The following DAAM2 variants were observed in gnomAD, a reference collection of about 807,000 sequenced individuals.
DAAM2 encodes the protein dishevelled associated activator of morphogenesis 2, also known as disheveled-associated activator of morphogenesis 2.
Under a neutral mutation model 120.7 loss-of-function variants are expected in DAAM2, and 39 were observed. The ratio of observed to expected loss-of-function variants is 0.32; its 90% CI spans 0.25 to 0.42. DAAM2 has a LOEUF of 0.42. Among genes scored for constraint, DAAM2 ranks in the 10% least tolerant of loss-of-function variants. The probability of loss-of-function intolerance (pLI) is 1.00; values close to 1 mark genes in which losing one functional copy is unlikely to be tolerated. For synonymous variants in DAAM2, 488 were observed against 524.9 expected (o/e 0.93, Z 0.96); for missense variants, 1,283 against 1,401.7 (o/e 0.92, Z 1.35).
At chr6:39,856,736 T>C (rs1033619432) in intron 2 of DAAM2, among the ~76,000 whole-genome samples, 1 of 152,218 alleles carries the variant, frequency 6.6e-6, no homozygotes, top group Non-Finnish European at 1.5e-5. Flanking sequence ...AATTAGGTTA[T>C]CATAGGAAGG....
In DAAM2 at chr6:39,858,108, C is replaced by T. The variant is rs145160814; in HGVS notation, c.168+1638C>T. On this transcript the variant is annotated intron_variant, in intron 2 of 24. Transcript: ENST00000274867. ...GACAGAGGGTCTCCTGCAGAAGAAACGGCATATGTGAGTCTCAAGTCAGAA... is the reference window on the plus strand; with the variant it reads ...GACAGAGGGTCTCCTGCAGAAGAAATGGCATATGTGAGTCTCAAGTCAGAA... 3.7e-3 allele frequency among the ~76,000 whole-genome samples: 569 copies of T among 151,748 alleles called. 3 individuals carry two copies. Among genetic ancestry groups the T allele is most frequent in the African/African-American group, 0.013 (546 of 41,358 alleles).
intron 1 of DAAM2, among the ~76,000 whole-genome samples, chr6:39,841,370 A>AG (rs1045993296): frequency 2.1e-4 from 1 of 4,854 alleles, no homozygotes; most frequent in Non-Finnish European, 4.0e-4. Flanking sequence ...AGGGAGTCCC[A>AG]GGGGGAGGGT....
chr6:39,869,577 C>G (rs561249182), intron 7 of DAAM2, among the ~76,000 whole-genome samples: 12 of 151,764 alleles, frequency 7.9e-5, no homozygotes, highest in Non-Finnish European at 1.3e-4. Context: ...GGGACAAGAG[C>G]AAAACTCCAT....
In DAAM2 at chr6:39,878,189, C is replaced by A; in HGVS notation, c.1302-14C>A. 6.2e-7 allele frequency: 1 copy of A among 1,613,750 alleles called. No individual in the cohort carries two copies. Among genetic ancestry groups the A allele is most frequent in the Non-Finnish European group, 8.5e-7 (1 of 1,179,704 alleles). On this transcript the variant is annotated splice_polypyrimidine_tract_variant and intron_variant, in intron 11 of 24. Transcript: ENST00000274867. The surrounding 1 kb of genome is among the most constrained non-coding windows in gnomAD (Gnocchi z 5.0). ...TCAACAATCACATTGCCCCTTCCCT[C>A]TATGCCCTGCCAGGCTCATCAACGA...
chr6:39,833,336 G>A (rs999935204), intron 1 of DAAM2, among the ~76,000 whole-genome samples: 9 of 150,472 alleles, frequency 6.0e-5, no homozygotes, highest in Admixed American at 1.3e-4. Context: ...TGGGAGTCTC[G>A]CTCTGTCGCC....
intron 1 of DAAM2, among the ~76,000 whole-genome samples, chr6:39,836,016 T>C (rs945019898): frequency 6.6e-6 from 1 of 151,852 alleles, no homozygotes. Context: ...CAAATGAGTC[T>C]GGACAGAGGC....
Position 39,839,830 on chromosome 6 carries a change from A to C in DAAM2, c.-56-16417A>C, listed in dbSNP as rs567131498. ...GATGCAGGAAGCATTTCTAAGTAGA[A>C]CCCAGTAGACTGGATATGAAGACTG... On this transcript the variant is annotated intron_variant, in intron 1 of 24. Transcript: ENST00000274867. Among the ~76,000 whole-genome samples, 41 of 152,332 alleles carry C rather than the reference A, an allele frequency of 2.7e-4. 1 individual carries two copies. The East Asian group carries it at 4.2e-3, about 16-fold the overall frequency.
At position 39,796,594 on chromosome 6, in the gene DAAM2, T is replaced by C. The variant is rs80166834; in HGVS notation, c.-57+4129T>C. 2.6e-4 allele frequency among the ~76,000 whole-genome samples: 35 copies of C among 136,806 alleles called. 2 individuals are homozygous for C. In the East Asian group the frequency reaches 7.5e-3, roughly 29 times the overall value. 89.8% of individuals were successfully genotyped at this position (136,806 alleles called of 152,430 possible). On this transcript the variant is annotated intron_variant, in intron 1 of 24. Coordinates refer to ENST00000274867, the MANE Select transcript of DAAM2 (RefSeq NM_001201427.2). ...AGACTATGGTTATTAATAGGTGTTA[T>C]GGGTTTCTTTCTGGGGTCCCCCTCC...
rs1282558601 is a variant in DAAM2 at position 39,879,274 on chromosome 6, C to A, written c.1642C>A (p.Pro548Thr). The A allele has an allele frequency of 6.6e-7, 1 of 1,516,502 alleles. No homozygotes were observed. Among genetic ancestry groups the A allele is most frequent in the East Asian group, 2.4e-5 (1 of 41,634 alleles). The allele number at this position is 1,516,502 out of a possible 1,614,324, so 93.9% of individuals were successfully genotyped here. A position where few individuals can be genotyped will look rare whatever the true frequency, so the allele number is the denominator to read the frequency against. ...NDLPPPPPPLPFACCPPPPPP... is the reference protein window; with the variant it reads ...NDLPPPPPPLTFACCPPPPPP... Reference sequence around the variant, plus strand: ...CCTGCCTCCACCCCCTCCTCCTCTGCCCTTTGCCTGTTGTCCCCCTCCCCC... The same window carrying A: ...CCTGCCTCCACCCCCTCCTCCTCTGACCTTTGCCTGTTGTCCCCCTCCCCC... The change falls in exon 14 of 25, where the codon CCC (proline) becomes ACC (threonine). Residue 548 changes from proline to threonine, a missense_variant. Pro to Thr is a conservative substitution (Grantham distance 38, BLOSUM62 -1). This residue lies in a region of DAAM2 where 748 missense variants were observed against 768.6 expected (regional missense o/e 0.97). Coordinates refer to ENST00000274867, the MANE Select transcript of DAAM2 (RefSeq NM_001201427.2).
At chr6:39,805,743 C>T (rs1309107254) in intron 1 of DAAM2, among the ~76,000 whole-genome samples, 3 of 152,000 alleles carry the variant, frequency 2.0e-5, no homozygotes, top group African/African-American at 7.3e-5. Flanking sequence ...TTAGTAGAGA[C>T]GGGGTTTCAC....
intron 1 of DAAM2, among the ~76,000 whole-genome samples, chr6:39,851,618 G>A (rs1763809635): frequency 6.6e-6 from 1 of 152,194 alleles, no homozygotes; most frequent in South Asian, 2.1e-4. Context: ...GAGGGTAAGG[G>A]CTAGGATTGC....
intron 14 of DAAM2, among the ~76,000 whole-genome samples, chr6:39,883,343 A>G (rs1003948148): frequency 6.6e-6 from 1 of 152,210 alleles, no homozygotes; most frequent in South Asian, 2.1e-4. Context: ...CCTGGCTCTG[A>G]CCAAAGGGAA....
In DAAM2 at chr6:39,887,281, A is replaced by G. The variant is rs1044217985; in HGVS notation, c.1954-205A>G. On this transcript the variant is annotated intron_variant, in intron 15 of 24. Coordinates refer to ENST00000274867, the MANE Select transcript of DAAM2 (RefSeq NM_001201427.2). ...GGGGGCTTCTCGGTGTCCTTCCCCA[A>G]CCCATTGGAGCCTATGGAAAAGTCC... is the stretch of plus-strand genomic sequence containing the variant. 1.3e-5 allele frequency: 7 copies of G among 518,536 alleles called. No homozygotes were observed. In the African/African-American group the frequency reaches 1.4e-4, roughly 10 times the overall value. 32.1% of individuals were successfully genotyped at this position (518,536 alleles called of 1,614,324 possible). A position where few individuals can be genotyped will look rare whatever the true frequency, so the allele number is the denominator to read the frequency against.
At chr6:39,875,015 C>A (rs768192668) in intron 10 of DAAM2, among the ~76,000 whole-genome samples, 6 of 152,148 alleles carry the variant, frequency 3.9e-5, no homozygotes, top group Non-Finnish European at 8.8e-5. Context: ...AAAAAGCAAT[C>A]TGCACTTCCT....
At chr6:39,796,088 A>G (rs1027107046) in intron 1 of DAAM2, among the ~76,000 whole-genome samples, 3 of 152,128 alleles carry the variant, frequency 2.0e-5, no homozygotes, top group African/African-American at 7.2e-5. Flanking sequence ...TAGTCATTGC[A>G]AACATCTCCA....
chr6:39,890,219 G>T (rs1222403821), intron 17 of DAAM2, among the ~76,000 whole-genome samples: 2 of 152,222 alleles, frequency 1.3e-5, no homozygotes, highest in African/African-American at 4.8e-5. Flanking sequence ...TCACGCTGAG[G>T]AGGAGGAAGA....
At chr6:39,814,198 T>C (rs2114084239) in intron 1 of DAAM2, among the ~76,000 whole-genome samples, 1 of 152,178 alleles carries the variant, frequency 6.6e-6, no homozygotes, top group South Asian at 2.1e-4. Context: ...CTTTTTTTTT[T>C]TTTCTCGCTC....
rs74511326 is a variant in DAAM2 at position 39,831,137 on chromosome 6, G to T, written c.-56-25110G>T. Reference sequence around the variant, plus strand: ...ATTACAAGGGCCTATTATGTACCAGGTAGTAATTCTAGTCACTGCGGATAC... The same window carrying T: ...ATTACAAGGGCCTATTATGTACCAGTTAGTAATTCTAGTCACTGCGGATAC... On this transcript the variant is annotated intron_variant, in intron 1 of 24. Coordinates refer to ENST00000274867, the MANE Select transcript of DAAM2 (RefSeq NM_001201427.2). 7.3e-3 allele frequency among the ~76,000 whole-genome samples: 1,110 copies of T among 152,242 alleles called. 16 individuals carry two copies. Among genetic ancestry groups the T allele is most frequent in the African/African-American group, 0.024 (1,001 of 41,508 alleles).
chr6:39,839,756 C>G (rs1224714350), intron 1 of DAAM2, among the ~76,000 whole-genome samples: 1 of 152,234 alleles, frequency 6.6e-6, no homozygotes, highest in East Asian at 1.9e-4. Flanking sequence ...GCCAGCCTCC[C>G]AGAGGCCAGT....
Sources: gnomAD v4.1 joint callset for allele counts (sites outside exome capture counted in the v4.1 genomes callset) on GRCh38, gnomAD v4.1.1 for gene constraint, gnomAD v4.1.1 regional missense constraint, Gnocchi (gnomAD v3.1) non-coding constraint, MANE v1.5 for transcripts, NCBI Gene and HGNC (gene_info 2026-07-23, HGNC 2026-07-21) for gene names.